PTPRQ: variants seen among roughly 807,000 people sequenced by gnomAD.
The protein encoded by PTPRQ is protein tyrosine phosphatase receptor type Q, also known as phosphatidylinositol phosphatase PTPRQ.
Under a neutral mutation model 246.0 loss-of-function variants are expected in PTPRQ, and 199 were observed. The ratio of observed to expected loss-of-function variants is 0.81; its 90% CI spans 0.72 to 0.91. The LOEUF (loss-of-function observed/expected upper bound fraction) is 0.91, where lower values mean the gene tolerates loss of function less well. PTPRQ is among the 40% of genes least tolerant of loss of function. The pLI is 0.00. For synonymous variants in PTPRQ, 869 were observed against 853.2 expected (o/e 1.02, Z -0.32); for missense variants, 2,624 against 2,528.4 (o/e 1.04, Z -0.81).
intron 35 of PTPRQ, among the ~76,000 whole-genome samples, chr12:80,642,946 A>G (rs1178525880): frequency 1.3e-5 from 2 of 148,992 alleles, no homozygotes; most frequent in Non-Finnish European, 1.5e-5. Flanking sequence ...AAAAAAAAAA[A>G]CAATTGAGTA....
chr12:80,677,304 C>A (rs1318088976), intron 43 of PTPRQ, among the ~76,000 whole-genome samples: 1 of 152,106 alleles, frequency 6.6e-6, no homozygotes, highest in Non-Finnish European at 1.5e-5. Context: ...CTTGGAATTA[C>A]CTCGAGAAGT....
At chr12:80,491,810 C>T (rs1321933629) in intron 9 of PTPRQ, among the ~76,000 whole-genome samples, 1 of 151,696 alleles carries the variant, frequency 6.6e-6, no homozygotes, top group Non-Finnish European at 1.5e-5. Context: ...CTTTGATATT[C>T]CTAAGGCCTA....
intron 8 of PTPRQ, among the ~76,000 whole-genome samples, chr12:80,483,566 G>T (rs2120604799): frequency 6.6e-6 from 1 of 152,162 alleles, no homozygotes; most frequent in South Asian, 2.1e-4. Context: ...AAATATCCAT[G>T]TATTTAAAGA....
chr12:80,454,810 T>G (rs928551181), intron 3 of PTPRQ, among the ~76,000 whole-genome samples: 2 of 152,220 alleles, frequency 1.3e-5, no homozygotes, highest in Admixed American at 6.5e-5. Flanking sequence ...CTTAAAAAAC[T>G]TATAAAGGCG....
At chr12:80,621,844 C>A (rs1036926946) in intron 32 of PTPRQ, among the ~76,000 whole-genome samples, 1 of 151,920 alleles carries the variant, frequency 6.6e-6, no homozygotes, top group South Asian at 2.1e-4. Context: ...TTAGCCCCTG[C>A]CTCATCAAAT....
At chr12:80,664,220 G>C (rs1242288688) in intron 39 of PTPRQ, among the ~76,000 whole-genome samples, 1 of 151,872 alleles carries the variant, frequency 6.6e-6, no homozygotes, top group Non-Finnish European at 1.5e-5. Flanking sequence ...TTTCTTCTAG[G>C]AGATTCTTTC....
chr12:80,471,855 G>A (rs1893648256), intron 7 of PTPRQ, among the ~76,000 whole-genome samples: 1 of 151,856 alleles, frequency 6.6e-6, no homozygotes. Context: ...AATTCAAAAA[G>A]GCTTTATGAT....
intron 29 of PTPRQ, among the ~76,000 whole-genome samples, chr12:80,615,175 A>C (rs944045185): frequency 6.6e-6 from 1 of 151,014 alleles, no homozygotes; most frequent in Admixed American, 6.6e-5. Context: ...ACCATACTAT[A>C]ACATACGTTT....
At chr12:80,606,780 G>A (rs190401828) in intron 27 of PTPRQ, among the ~76,000 whole-genome samples, 124 of 151,002 alleles carry the variant, frequency 8.2e-4, no homozygotes, top group African/African-American at 2.9e-3. Flanking sequence ...TCTATTTTCT[G>A]TTCCTTTTGT....
intron 25 of PTPRQ, among the ~76,000 whole-genome samples, chr12:80,551,087 T>A (rs1896461539): frequency 6.6e-6 from 1 of 152,116 alleles, no homozygotes; most frequent in Non-Finnish European, 1.5e-5. Context: ...TTTATTCTAA[T>A]ATCTCCTGCA....
chr12:80,666,673 T>C (rs1900796928), intron 39 of PTPRQ, among the ~76,000 whole-genome samples: 1 of 151,948 alleles, frequency 6.6e-6, no homozygotes, highest in African/African-American at 2.4e-5. Context: ...CTGTATTCCA[T>C]AAAAATGTGC....
chr12:80,649,479 T>G (rs1258704250), intron 36 of PTPRQ, 109 bp from the exon 37 acceptor site: 8 of 1,353,514 alleles, frequency 5.9e-6, no homozygotes, highest in South Asian at 5.9e-5. Flanking sequence ...TTTGTGATTT[T>G]GGGGATGTCC....
chr12:80,454,541 G>T (rs140434432), intron 3 of PTPRQ: 1 of 702,252 alleles, frequency 1.4e-6, no homozygotes, highest in African/African-American at 1.7e-5. Context: ...TCCTACTTTT[G>T]TTGCATTTCT....
intron 39 of PTPRQ, among the ~76,000 whole-genome samples, chr12:80,667,144 A>T (rs529748012): frequency 6.6e-6 from 1 of 151,508 alleles, no homozygotes; most frequent in East Asian, 2.0e-4. Flanking sequence ...CCCCTCATTT[A>T]CTCTACTCCA....
chr12:80,678,741 A>C lies in PTPRQ; in HGVS notation c.6862+16A>C. ...GCCATGGAAGGTAAACAGAAACAAC[A>C]GTATATGCCCAGCTTACTAGTTTAC... On this transcript the variant is annotated intron_variant, in intron 44 of 44. Transcript: ENST00000644991. 1 of 1,545,492 alleles carries C rather than the reference A, an allele frequency of 6.5e-7. No homozygotes were observed. Among genetic ancestry groups the C allele is most frequent in the Middle Eastern group, 1.7e-4 (1 of 5,948 alleles).
chr12:80,459,909 G>T (rs1003712345), intron 5 of PTPRQ, among the ~76,000 whole-genome samples: 1 of 152,190 alleles, frequency 6.6e-6, no homozygotes, highest in African/African-American at 2.4e-5. Flanking sequence ...GGAGGGAAGA[G>T]TACATGTAGG....
chr12:80,582,765 T>A (rs1267272436), intron 25 of PTPRQ, among the ~76,000 whole-genome samples: 1 of 152,040 alleles, frequency 6.6e-6, no homozygotes, highest in East Asian at 1.9e-4. Context: ...GAGAAGGGAC[T>A]GGGAGGAAGA....
chr12:80,645,711 G>A (rs1007837837), intron 35 of PTPRQ, among the ~76,000 whole-genome samples: 1 of 151,930 alleles, frequency 6.6e-6, no homozygotes, highest in Non-Finnish European at 1.5e-5. Context: ...GTAGAACAGA[G>A]TAAGATCGAT....
At chr12:80,621,390 A>G (rs1196909518) in intron 32 of PTPRQ, among the ~76,000 whole-genome samples, 6 of 151,964 alleles carry the variant, frequency 3.9e-5, no homozygotes, top group Non-Finnish European at 2.9e-5. Flanking sequence ...ATAATGGTAG[A>G]GGTTCAATCA....
Sources: allele counts gnomAD v4.1 joint callset (sites outside exome capture counted in the v4.1 genomes callset), GRCh38; gene constraint gnomAD v4.1.1; transcripts MANE v1.5; gene names NCBI Gene and HGNC (gene_info 2026-07-23, HGNC 2026-07-21).